PCP4: variants seen among roughly 807,000 people sequenced by gnomAD.
PCP4 encodes calmodulin regulator protein PCP4.
In PCP4, 8 loss-of-function variants were observed where a neutral mutation model predicts 10.0. That is an observed-to-expected ratio of 0.80 (90% CI 0.47 to 1.45). PCP4 has a LOEUF of 1.45. PCP4 is among the 40% of genes most tolerant of loss of function. The probability of loss-of-function intolerance (pLI) is 0.00; values close to 1 mark genes in which losing one functional copy is unlikely to be tolerated. For synonymous variants in PCP4, 21 were observed against 23.0 expected (o/e 0.91, Z 0.24); for missense variants, 54 against 74.4 (o/e 0.73, Z 1.01).
chr21:39,914,573 C>CAAAAAAA (rs55775259), intron 2 of PCP4, among the ~76,000 whole-genome samples: 1 of 118,950 alleles, frequency 8.4e-6, no homozygotes, highest in African/African-American at 3.3e-5. Context: ...AGAGCTGTCT[C>CAAAAAAA]AAAAAAAAAA....
At chr21:39,877,010 A>G (rs551346187) in intron 1 of PCP4, among the ~76,000 whole-genome samples, 160 of 152,304 alleles carry the variant, frequency 1.1e-3, no homozygotes, top group African/African-American at 3.6e-3. Flanking sequence ...GGTCATTTTA[A>G]AATAGGGGAC....
chr21:39,920,491 C>T (rs895052899), intron 2 of PCP4, among the ~76,000 whole-genome samples: 9 of 151,622 alleles, frequency 5.9e-5, no homozygotes, highest in African/African-American at 1.9e-4. Flanking sequence ...GTGTGTGTGT[C>T]TGTGTGTTAA....
Position 39,904,300 on chromosome 21 carries a change from T to A in PCP4, c.61+5773T>A, listed in dbSNP as rs933652667. 1.7e-4 allele frequency among the ~76,000 whole-genome samples: 26 copies of A among 152,348 alleles called. 2 individuals are homozygous for A. The highest frequency in any genetic ancestry group is 9.8e-4 in the Admixed American group (15 of 15,308). ...CATCCCCCTCCCACTTGTGTCTGTG[T>A]TCTTGGTGCAAGATTATCTTTCAAG... On this transcript the variant is annotated intron_variant, in intron 2 of 2. Transcript: ENST00000328619.
chr21:39,872,636 C>A (rs1384781979), intron 1 of PCP4, among the ~76,000 whole-genome samples: 1 of 152,130 alleles, frequency 6.6e-6, no homozygotes, highest in South Asian at 2.1e-4. Context: ...TAGAAGCATC[C>A]CAGACTGTGA....
intron 1 of PCP4, among the ~76,000 whole-genome samples, chr21:39,879,296 GT>G (rs2087360665): frequency 6.6e-6 from 1 of 152,064 alleles, no homozygotes; most frequent in South Asian, 2.1e-4. Flanking sequence ...GGCCAAGAAA[GT>G]TTCTTAAAAT....
chr21:39,907,032 C>G (rs958869478), intron 2 of PCP4, among the ~76,000 whole-genome samples: 29 of 152,246 alleles, frequency 1.9e-4, no homozygotes, highest in East Asian at 1.7e-3. Context: ...CAAAACCCCA[C>G]CTAGATCTCA....
At chr21:39,897,912 C>T (rs193073216) in intron 1 of PCP4, among the ~76,000 whole-genome samples, 7 of 151,536 alleles carry the variant, frequency 4.6e-5, no homozygotes, top group Admixed American at 2.0e-4. Context: ...CGTACGTGGT[C>T]GTGGGCGCCT....
At chr21:39,875,633 T>C (rs1421661862) in intron 1 of PCP4, among the ~76,000 whole-genome samples, 2 of 152,222 alleles carry the variant, frequency 1.3e-5, no homozygotes, top group Non-Finnish European at 2.9e-5. Context: ...CAACTGTCTG[T>C]TTTAGCATAT....
At chr21:39,905,721 G>A (rs1714971551) in intron 2 of PCP4, among the ~76,000 whole-genome samples, 1 of 152,140 alleles carries the variant, frequency 6.6e-6, no homozygotes, top group African/African-American at 2.4e-5. Context: ...CCCATCTCTA[G>A]CTGCAATTCT....
chr21:39,903,608 C>T (rs1187459950), intron 2 of PCP4, among the ~76,000 whole-genome samples: 1 of 152,134 alleles, frequency 6.6e-6, no homozygotes, highest in African/African-American at 2.4e-5. Context: ...GTGGCTCACG[C>T]CTGTAATCCC....
At chr21:39,914,001 A>G (rs7280130) in intron 2 of PCP4, among the ~76,000 whole-genome samples, 35,626 of 152,064 alleles carry the variant, frequency 0.23, 4,209 homozygotes, top group Middle Eastern at 0.26. Flanking sequence ...GTGTGTCATG[A>G]AGGATGCCAG....
intron 1 of PCP4, among the ~76,000 whole-genome samples, chr21:39,888,525 A>G (rs531731748): frequency 5.9e-5 from 9 of 152,304 alleles, no homozygotes; most frequent in Non-Finnish European, 7.4e-5. Flanking sequence ...TGAGACTTCA[A>G]TGAGGAATTT....
intron 2 of PCP4, among the ~76,000 whole-genome samples, chr21:39,918,942 G>C (rs1249801135): frequency 1.3e-5 from 2 of 152,210 alleles, no homozygotes; most frequent in African/African-American, 4.8e-5. Context: ...ATTTCATAAA[G>C]TGTGATGCTG....
intron 1 of PCP4, among the ~76,000 whole-genome samples, chr21:39,877,792 A>G (rs908724962): frequency 6.6e-6 from 1 of 152,178 alleles, no homozygotes; most frequent in Non-Finnish European, 1.5e-5. Context: ...AGTGTTCTTG[A>G]CTTTGAGGTT....
At chr21:39,924,542 T>C (rs1214616864) in intron 2 of PCP4, among the ~76,000 whole-genome samples, 2 of 151,994 alleles carry the variant, frequency 1.3e-5, no homozygotes, top group Non-Finnish European at 1.5e-5. Flanking sequence ...GTGTTCTTTG[T>C]TTTTGTTTTT....
chr21:39,915,576 A>G (rs1209751770), intron 2 of PCP4, among the ~76,000 whole-genome samples: 1 of 152,188 alleles, frequency 6.6e-6, no homozygotes, highest in Non-Finnish European at 1.5e-5. Context: ...GAGTCTGTGT[A>G]GTTTCAAGGA....
At chr21:39,888,016 A>G (rs2837269) in intron 1 of PCP4, among the ~76,000 whole-genome samples, 60,095 of 152,024 alleles carry the variant, frequency 0.4, 12,547 homozygotes, top group East Asian at 0.76. Flanking sequence ...CCCCTTTTTT[A>G]TGATCCATCT....
At chr21:39,884,740 G>A (rs1370662396) in intron 1 of PCP4, among the ~76,000 whole-genome samples, 2 of 152,112 alleles carry the variant, frequency 1.3e-5, no homozygotes, top group African/African-American at 4.8e-5. Context: ...AGAGGTTGCA[G>A]TGAGTGGAGA....
At chr21:39,903,137 C>G (rs1364471560) in intron 2 of PCP4, among the ~76,000 whole-genome samples, 1 of 152,104 alleles carries the variant, frequency 6.6e-6, no homozygotes, top group Non-Finnish European at 1.5e-5. Context: ...ATACTGGAAG[C>G]AGAGTGGCTG....
Sources: allele counts gnomAD v4.1 joint callset (sites outside exome capture counted in the v4.1 genomes callset), GRCh38; gene constraint gnomAD v4.1.1; transcripts MANE v1.5; gene names NCBI Gene and HGNC (gene_info 2026-07-23, HGNC 2026-07-21).